SPTA1: variants seen among roughly 807,000 people sequenced by gnomAD.
SPTA1 encodes the protein spectrin alpha, erythrocytic 1, also known as spectrin alpha chain, erythrocytic 1.
A neutral mutation model predicts 324.7 loss-of-function variants in SPTA1; 177 were observed. The ratio of observed to expected loss-of-function variants is 0.55; its 90% CI spans 0.48 to 0.62. The LOEUF is 0.62. Among genes scored for constraint, SPTA1 ranks in the 20% least tolerant of loss-of-function variants. SPTA1 has a pLI of 0.00. For synonymous variants in SPTA1, 1,195 were observed against 1,041.3 expected, an observed-to-expected ratio of 1.15 and a Z score of -2.84; for missense variants, 3,162 against 2,883.6, an observed-to-expected ratio of 1.10 and a Z score of -2.21.
chr1:158,620,543 T>C (rs1015579740), intron 43 of SPTA1, 77 bp from the exon 44 acceptor site: 7 of 1,568,294 alleles, frequency 4.5e-6, no homozygotes, highest in Middle Eastern at 4.6e-4. Flanking sequence ...AGGATAAAAA[T>C]AATGCCTGTC....
chr1:158,681,601 G>C lies in SPTA1; in HGVS notation c.457C>G (p.Gln153Glu), dbSNP rs765862696. ...LLELTLEKGD[Q>E]LLRALKFQQY... is the part of the protein sequence containing the mutation. Reference sequence around the variant, plus strand: ...TGGAACTTCAGGGCCCGCAGCAACTGGTCACCCTTCTCCAGGGTCAGCTCT... The same window carrying C: ...TGGAACTTCAGGGCCCGCAGCAACTCGTCACCCTTCTCCAGGGTCAGCTCT... The change falls in exon 4 of 52, where the codon CAG (glutamine) becomes GAG (glutamate). Residue 153 changes from glutamine (Q) to glutamate (E), a missense_variant. Coordinates refer to ENST00000643759, the MANE Select transcript of SPTA1 (RefSeq NM_003126.4). 6.2e-7 allele frequency: 1 copy of C among 1,613,648 alleles called. No individual in the cohort carries two copies. Among genetic ancestry groups the C allele is most frequent in the Non-Finnish European group, 8.5e-7 (1 of 1,179,822 alleles).
At position 158,677,784 on chromosome 1, in the gene SPTA1, G is replaced by A; in HGVS notation, c.863C>T (p.Thr288Ile). ...QWIKEKEPVL[T>I]SEDYGKDLVA... The stretch of plus-strand genomic sequence containing the variant: ...AAGGTCTTTGCCATAGTCCTCAGAG[G>A]TGAGTACAGGTTCCTTCTCCTTGAT... The change falls in exon 7 of 52, where the codon ACC becomes ATC. Residue 288 changes from threonine to isoleucine, a missense_variant. By Grantham distance (89) the Thr-to-Ile change is moderately conservative. Coordinates refer to ENST00000643759, the MANE Select transcript of SPTA1 (RefSeq NM_003126.4). The A allele has an allele frequency of 6.2e-7, 1 of 1,613,714 alleles. No individual in the cohort carries two copies. Among genetic ancestry groups the A allele is most frequent in the Non-Finnish European group, 8.5e-7 (1 of 1,179,756 alleles).
intron 5 of SPTA1, 146 bp downstream of exon 5, chr1:158,680,437 T>C: frequency 8.9e-7 from 1 of 1,122,806 alleles, no homozygotes; most frequent in Non-Finnish European, 1.3e-6. Flanking sequence ...GAGAGGAAAC[T>C]GTTCAGAATA....
At chr1:158,611,681 T>G (rs1182297986) in intron 51 of SPTA1, 4 of 310,302 alleles carry the variant, frequency 1.3e-5, no homozygotes, top group Non-Finnish European at 1.8e-5. Flanking sequence ...CCTAACAACA[T>G]TTGTTGACCA....
rs2101740080 is a variant in SPTA1, at chr1:158,610,979, G to T, written c.*285C>A. On this transcript the variant is annotated 3_prime_UTR_variant, in exon 52 of 52. Transcript: ENST00000643759. ...CAAAATGATAAAGACGTGCAAAACA[G>T]AACAAATAAAAATAGAAACTTTGAC... 2.8e-6 allele frequency: 1 copy of T among 353,476 alleles called. No individual in the cohort carries two copies. The highest frequency in any genetic ancestry group is 5.3e-6 in the Non-Finnish European group (1 of 187,724). 21.9% of individuals were successfully genotyped at this position (353,476 alleles called of 1,614,324 possible).
chr1:158,643,547 CA>C, intron 30 of SPTA1, 122 bp from the exon 31 acceptor site: 1 of 935,376 alleles, frequency 1.1e-6, no homozygotes, highest in Non-Finnish European at 1.7e-6. Flanking sequence ...TACTCAGGGT[CA>C]AATAATATAT....
rs779411955 is a variant in SPTA1 at position 158,620,460 on chromosome 1, C to A, written c.6127G>T (p.Asp2043Tyr). Residue 2043 changes from aspartate (D) to tyrosine (Y), a missense_variant, in exon 44 of 52, where the codon GAC becomes TAC. Transcript: ENST00000643759. ...EKQLPLQKAEDLFVEFAHKAS... is the reference protein window; with the variant it reads ...EKQLPLQKAEYLFVEFAHKAS... ...TTATGTGCAAATTCCACGAACAGGT[C>A]CTCAGCCTGCAGAGAGAAAAAAAAG... The A allele has an allele frequency of 1.4e-5, 22 of 1,612,556 alleles. No homozygotes were observed. In the Admixed American group the frequency reaches 2.2e-4, roughly 16 times the overall value.
chr1:158,670,645 A>G (rs1653954559), intron 12 of SPTA1, among the ~76,000 whole-genome samples: 1 of 152,112 alleles, frequency 6.6e-6, no homozygotes, highest in East Asian at 1.9e-4. Context: ...AATGTATTGG[A>G]CCCATGAAGT....
At chr1:158,649,217 T>C (rs913762090) in intron 25 of SPTA1, among the ~76,000 whole-genome samples, 2 of 152,226 alleles carry the variant, frequency 1.3e-5, no homozygotes, top group South Asian at 4.1e-4. Flanking sequence ...TGCCCTCTAC[T>C]GTCAGCTTCT....
chr1:158,679,310 A>T (rs1358191069), intron 5 of SPTA1, among the ~76,000 whole-genome samples: 2 of 152,080 alleles, frequency 1.3e-5, no homozygotes, highest in Non-Finnish European at 2.9e-5. Flanking sequence ...TGTTGGATTT[A>T]TTCTTTCTAT....
Position 158,638,145 on chromosome 1 carries a change from T to G in SPTA1, c.5077A>C (p.Lys1693Gln), listed in dbSNP as rs857725. Reference sequence around the variant, plus strand: ...AATTCTTGGACATTCAGGAAACGCTTGTTGACATTATCTTTTTTCTTCACA... The same window carrying G: ...AATTCTTGGACATTCAGGAAACGCTGGTTGACATTATCTTTTTTCTTCACA... ...QIVKKKDNVN[K>Q]RFLNVQELAA... The change falls in exon 36 of 52, where the codon AAG (lysine) becomes CAG (glutamine). Residue 1693 changes from lysine (K) to glutamine (Q), a missense_variant. Coordinates refer to ENST00000643759, the MANE Select transcript of SPTA1 (RefSeq NM_003126.4). 428,287 of 1,613,752 alleles carry G rather than the reference T, an allele frequency of 0.27. 59,409 individuals carry two copies. The highest frequency in any genetic ancestry group is 0.41 in the East Asian group (18,527 of 44,846).
At chr1:158,622,388 AC>A (rs1649972433) in intron 43 of SPTA1, among the ~76,000 whole-genome samples, 1 of 152,040 alleles carries the variant, frequency 6.6e-6, no homozygotes, top group African/African-American at 2.4e-5. Context: ...TATTATTAAT[AC>A]ACACATATTA....
intron 2 of SPTA1, 60 bp from the exon 3 acceptor site, chr1:158,683,556 A>T: frequency 6.2e-7 from 1 of 1,606,358 alleles, no homozygotes; most frequent in Admixed American, 1.7e-5. Context: ...GGAAATGTTC[A>T]CTCTATGTAA....
intron 20 of SPTA1, among the ~76,000 whole-genome samples, chr1:158,654,974 G>C (rs73018255): frequency 0.099 from 15,002 of 152,078 alleles, 2,455 homozygotes; most frequent in African/African-American, 0.34. Context: ...AGCAAGGAAG[G>C]AAATACATAA....
At chr1:158,631,050 A>G (rs1392138180) in intron 39 of SPTA1, among the ~76,000 whole-genome samples, 1 of 152,156 alleles carries the variant, frequency 6.6e-6, no homozygotes, top group East Asian at 1.9e-4. Flanking sequence ...TACAACCACT[A>G]TAAAAAACAG....
chr1:158,667,548 G>C (rs1341557859), intron 15 of SPTA1, among the ~76,000 whole-genome samples: 1 of 151,886 alleles, frequency 6.6e-6, no homozygotes, highest in Non-Finnish European at 1.5e-5. Flanking sequence ...ACTTGTTCAA[G>C]GGAAAGAAAA....
At chr1:158,637,754 A>T (rs370075741) in intron 36 of SPTA1, among the ~76,000 whole-genome samples, 116 of 152,314 alleles carry the variant, frequency 7.6e-4, no homozygotes, top group African/African-American at 2.6e-3. Context: ...CATATTATTC[A>T]ATGAACTACA....
chr1:158,667,378 C>T (rs1653683779), intron 15 of SPTA1, among the ~76,000 whole-genome samples: 2 of 152,172 alleles, frequency 1.3e-5, no homozygotes, highest in Admixed American at 1.3e-4. Context: ...AGCCTAAACA[C>T]TTTCAAATAG....
chr1:158,648,942 G>A (rs559263264), intron 25 of SPTA1, among the ~76,000 whole-genome samples: 2 of 152,298 alleles, frequency 1.3e-5, no homozygotes, highest in South Asian at 4.1e-4. Flanking sequence ...GAATGGTGGA[G>A]CCTAAGCTTG....
Sources: gnomAD v4.1 joint callset for allele counts (sites outside exome capture counted in the v4.1 genomes callset) on GRCh38, gnomAD v4.1.1 for gene constraint, MANE v1.5 for transcripts, NCBI Gene and HGNC (gene_info 2026-07-23, HGNC 2026-07-21) for gene names.